The following ANKRD17 variants were observed in gnomAD, a reference collection of about 807,000 sequenced individuals.
ANKRD17 encodes the protein ankyrin repeat domain-containing protein 17.
ANKRD17 carries 19 observed loss-of-function variants against 229.7 expected under a neutral mutation model. The observed-to-expected ratio is 0.08, with a 90% CI of 0.06 to 0.12. The LOEUF (loss-of-function observed/expected upper bound fraction) is 0.12, where lower values mean the gene tolerates loss of function less well. ANKRD17 is among the 10% of genes least tolerant of loss of function. ANKRD17 has a pLI of 1.00. For missense variants in ANKRD17, 2,176 were observed against 3,176.8 expected (o/e 0.68, Z 7.57); for synonymous variants, 1,112 against 1,146.1 (o/e 0.97, Z 0.60).
chr4:73,189,585 C>T (rs1201234457), intron 1 of ANKRD17, among the ~76,000 whole-genome samples: 1 of 151,988 alleles, frequency 6.6e-6, no homozygotes, highest in African/African-American at 2.4e-5. Context: ...CTCAGCCACC[C>T]AAAGTGCTGG....
At chr4:73,174,903 C>T (rs1043513431) in intron 2 of ANKRD17, among the ~76,000 whole-genome samples, 8 of 152,092 alleles carry the variant, frequency 5.3e-5, no homozygotes, top group Non-Finnish European at 8.8e-5. Context: ...CTATAAAACA[C>T]TGTTGCAAAA....
intron 10 of ANKRD17, among the ~76,000 whole-genome samples, chr4:73,145,404 G>A (rs1035155062): frequency 6.6e-6 from 1 of 151,908 alleles, no homozygotes; most frequent in Non-Finnish European, 1.5e-5. Context: ...AGCTTTCTGG[G>A]TCCCAAAAGG....
chr4:73,184,088 T>G (rs751812752), intron 1 of ANKRD17, among the ~76,000 whole-genome samples: 3 of 152,178 alleles, frequency 2.0e-5, no homozygotes, highest in Non-Finnish European at 4.4e-5. Flanking sequence ...ACATGGAAAT[T>G]TGGTAATGCG....
intron 2 of ANKRD17, among the ~76,000 whole-genome samples, chr4:73,172,105 A>C (rs574515113): frequency 6.6e-6 from 1 of 152,176 alleles, no homozygotes; most frequent in African/African-American, 2.4e-5. Flanking sequence ...TAACCCAAAG[A>C]AGACTACCCC....
At chr4:73,124,257 G>A (rs1326315762) in intron 18 of ANKRD17, among the ~76,000 whole-genome samples, 1 of 123,286 alleles carries the variant, frequency 8.1e-6, no homozygotes, top group Non-Finnish European at 1.6e-5. Flanking sequence ...AACACATCTG[G>A]TTTATATCCC....
intron 1 of ANKRD17, among the ~76,000 whole-genome samples, chr4:73,230,753 G>A (rs1009226951): frequency 3.9e-5 from 6 of 152,152 alleles, no homozygotes; most frequent in African/African-American, 1.4e-4. Flanking sequence ...CGTAAGTAAT[G>A]TACTAAACAA....
At chr4:73,252,958 G>A (rs761378148) in intron 1 of ANKRD17, among the ~76,000 whole-genome samples, 3 of 152,110 alleles carry the variant, frequency 2.0e-5, no homozygotes, top group East Asian at 1.9e-4. Context: ...GCAAAAAAGC[G>A]TCTCCCCTTA....
chr4:73,179,018 G>T (rs1017705143), intron 1 of ANKRD17, among the ~76,000 whole-genome samples: 11 of 151,890 alleles, frequency 7.2e-5, no homozygotes, highest in South Asian at 2.1e-4. Flanking sequence ...GTATCCAGAA[G>T]GTCAACAATA....
rs763495159 is a variant in ANKRD17 at position 73,107,504 on chromosome 4, T to C, written c.4402-4957A>G. On this transcript the variant is annotated intron_variant, in intron 24 of 33. Coordinates refer to ENST00000358602, the MANE Select transcript of ANKRD17 (RefSeq NM_032217.5). ...TACATTATAGTTTGTTAAAAGGTGA[T>C]AAGTGCAATGTAAAAAAGGGGAAAA... Among the ~76,000 whole-genome samples the C allele has an allele frequency of 9.7e-4, 148 of 152,192 alleles. 2 individuals carry two copies. Among genetic ancestry groups the C allele is most frequent in the Non-Finnish European group, 2.2e-4 (15 of 68,040 alleles).
At chr4:73,182,414 A>T (rs1255463442) in intron 1 of ANKRD17, among the ~76,000 whole-genome samples, 1 of 152,124 alleles carries the variant, frequency 6.6e-6, no homozygotes, top group African/African-American at 2.4e-5. Flanking sequence ...TAAATAGGAG[A>T]TTTCTAAATA....
chr4:73,255,348 A>C (rs1745364905), intron 1 of ANKRD17, among the ~76,000 whole-genome samples: 1 of 152,268 alleles, frequency 6.6e-6, no homozygotes, highest in African/African-American at 2.4e-5. Context: ...TTGTTAAATT[A>C]AAGTTATCCT....
chr4:73,180,908 C>A (rs1429951710), intron 1 of ANKRD17, among the ~76,000 whole-genome samples: 1 of 152,144 alleles, frequency 6.6e-6, no homozygotes, highest in Non-Finnish European at 1.5e-5. Context: ...ATTATACATA[C>A]AGTCTTTCTA....
intron 1 of ANKRD17, among the ~76,000 whole-genome samples, chr4:73,255,110 C>A (rs1185803966): frequency 1.3e-5 from 2 of 152,234 alleles, no homozygotes; most frequent in South Asian, 2.1e-4. Flanking sequence ...TCCAGGTATA[C>A]CCGAAGTTAT....
intron 1 of ANKRD17, among the ~76,000 whole-genome samples, chr4:73,210,417 T>A (rs1375705946): frequency 1.3e-5 from 2 of 152,104 alleles, no homozygotes; most frequent in Non-Finnish European, 2.9e-5. Flanking sequence ...ACAACAGTGC[T>A]GAGAGAAATT....
chr4:73,200,952 C>G (rs1411906356), intron 1 of ANKRD17, among the ~76,000 whole-genome samples: 3 of 108,182 alleles, frequency 2.8e-5, no homozygotes, highest in African/African-American at 1.1e-4. Context: ...AAAGGTATAG[C>G]TTTATGAATT....
At chr4:73,215,368 TCCTGCCTCAG>T (rs1740878547) in intron 1 of ANKRD17, among the ~76,000 whole-genome samples, 1 of 152,080 alleles carries the variant, frequency 6.6e-6, no homozygotes, top group Non-Finnish European at 1.5e-5. Flanking sequence ...CAAGTGATTC[TCCTGCCTCAG>T]CCTGCCGAGT....
At chr4:73,225,033 C>T (rs1015292377) in intron 1 of ANKRD17, among the ~76,000 whole-genome samples, 2 of 152,138 alleles carry the variant, frequency 1.3e-5, no homozygotes, top group African/African-American at 4.8e-5. Context: ...TCATACCATA[C>T]CTAGTGTTTA....
At chr4:73,125,547 A>G (rs530846540) in intron 16 of ANKRD17, among the ~76,000 whole-genome samples, 52 of 152,120 alleles carry the variant, frequency 3.4e-4, no homozygotes, top group Non-Finnish European at 5.9e-4. Flanking sequence ...ATCCTGGCCA[A>G]CATGGTGAAA....
chr4:73,157,730 C>T (rs1308049457), intron 3 of ANKRD17, among the ~76,000 whole-genome samples: 4 of 152,158 alleles, frequency 2.6e-5, no homozygotes, highest in Non-Finnish European at 5.9e-5. Context: ...TCCTTGCCTT[C>T]ACACTACTTG....
Sources: gnomAD v4.1 joint callset for allele counts (sites outside exome capture counted in the v4.1 genomes callset) on GRCh38, gnomAD v4.1.1 for gene constraint, MANE v1.5 for transcripts, NCBI Gene and HGNC (gene_info 2026-07-23, HGNC 2026-07-21) for gene names.